Variants in SLC1A7 observed in about 807,000 individuals in gnomAD.
SLC1A7 encodes excitatory amino acid transporter 5.
In SLC1A7, 40 loss-of-function variants were observed where a neutral mutation model predicts 47.7. That is an observed-to-expected ratio of 0.84 (90% CI 0.65 to 1.09). The LOEUF is 1.09. SLC1A7 is among the 50% of genes least tolerant of loss of function. SLC1A7 has a pLI of 0.00. For synonymous variants in SLC1A7, 323 were observed against 325.6 expected (o/e 0.99, Z 0.09); for missense variants, 746 against 769.5 (o/e 0.97, Z 0.36).
At chr1:53,088,413 C>T (rs1003475394) in intron 10 of SLC1A7, among the ~76,000 whole-genome samples, 186 bp from the exon 11 acceptor site, 1 of 152,136 alleles carries the variant, frequency 6.6e-6, no homozygotes, top group African/African-American at 2.4e-5. Flanking sequence ...AGCGTCCTGC[C>T]TCCCACTGGA....
At chr1:53,127,293 G>A (rs1644893099) in intron 2 of SLC1A7, among the ~76,000 whole-genome samples, 1 of 152,136 alleles carries the variant, frequency 6.6e-6, no homozygotes. Flanking sequence ...AGATGAAAGG[G>A]GGAGAGTTAT....
intron 4 of SLC1A7, 126 bp downstream of exon 4, chr1:53,105,606 C>T: frequency 1.2e-6 from 1 of 806,378 alleles, no homozygotes. Flanking sequence ...CTCTAGCATC[C>T]CACCTCCAGC....
At chr1:53,137,450 A>C (rs1645013654) in intron 1 of SLC1A7, among the ~76,000 whole-genome samples, 1 of 152,098 alleles carries the variant, frequency 6.6e-6, no homozygotes, top group African/African-American at 2.4e-5. Flanking sequence ...TTCTTGATTC[A>C]TCATTTTGAC....
chr1:53,111,294 G>A (rs1644698735), intron 3 of SLC1A7, among the ~76,000 whole-genome samples: 1 of 152,306 alleles, frequency 6.6e-6, no homozygotes, highest in South Asian at 2.1e-4. Context: ...CAACGAGGCG[G>A]GTGGGGCTGG....
At chr1:53,111,628 G>C (rs1187243586) in intron 3 of SLC1A7, among the ~76,000 whole-genome samples, 1 of 152,082 alleles carries the variant, frequency 6.6e-6, no homozygotes, top group Non-Finnish European at 1.5e-5. Context: ...GAGAATGAGA[G>C]ATGTCAGACC....
rs1644889296 is a variant in SLC1A7, at chr1:53,126,986, C to T, written c.215+7364G>A. On this transcript the variant is annotated intron_variant, in intron 2 of 10. Transcript: ENST00000371494. ...CAAGCGATCCTCCCACCTCAGCCTC[C>T]CAAGTAGCCAGGACTACAGGTGCCC... Among the ~76,000 whole-genome samples, 3 of 151,132 alleles carry T rather than the reference C, an allele frequency of 2.0e-5. No individual in the cohort carries two copies. In the South Asian group the frequency reaches 6.3e-4, roughly 32 times the overall value.
chr1:53,088,129 G>A lies in SLC1A7; in HGVS notation c.1563C>T (p.Leu521=), dbSNP rs1381433340. 1 of 1,613,148 alleles carries A rather than the reference G, an allele frequency of 6.2e-7. No homozygotes were observed. The highest frequency in any genetic ancestry group is 2.2e-5 in the East Asian group (1 of 44,840). The change falls in exon 11 of 11, where the codon CTC becomes CTT. Residue 521 remains leucine, a synonymous_variant. Coordinates refer to ENST00000371494, the MANE Select transcript of SLC1A7 (RefSeq NM_006671.6). ...GGTGGGGGCAGGTGGGGCCCAGGGTGAGCTCGGAGGCCTCGGCTACACTCT... is the reference window on the plus strand; with the variant it reads ...GGTGGGGGCAGGTGGGGCCCAGGGTAAGCTCGGAGGCCTCGGCTACACTCT... ...CVKSVAEASE[L]TLGPTCPHHV...
chr1:53,104,071 C>G (rs190108388), intron 4 of SLC1A7, among the ~76,000 whole-genome samples: 2 of 152,304 alleles, frequency 1.3e-5, no homozygotes, highest in Admixed American at 1.3e-4. Context: ...GTACCTTTCC[C>G]TCTCTGCCCC....
chr1:53,112,038 C>T (rs889563781), intron 3 of SLC1A7, among the ~76,000 whole-genome samples: 2 of 152,208 alleles, frequency 1.3e-5, no homozygotes, highest in East Asian at 1.9e-4. Context: ...TCGATGGCCT[C>T]GGTTTGTAGA....
At chr1:53,095,155 C>A (rs1644470866) in intron 5 of SLC1A7, among the ~76,000 whole-genome samples, 1 of 152,072 alleles carries the variant, frequency 6.6e-6, no homozygotes, top group South Asian at 2.1e-4. Flanking sequence ...TGCACCCAGA[C>A]ATGAGCACAG....
At chr1:53,134,788 T>G (rs1197786538) in intron 1 of SLC1A7, among the ~76,000 whole-genome samples, 1 of 152,076 alleles carries the variant, frequency 6.6e-6, no homozygotes, top group Non-Finnish European at 1.5e-5. Context: ...GACTGAACCC[T>G]GTGGACGTTG....
chr1:53,142,350 C>G lies in SLC1A7; in HGVS notation c.100G>C (p.Gly34Arg). 1 of 1,577,408 alleles carries G rather than the reference C, an allele frequency of 6.3e-7. No individual in the cohort carries two copies. Among genetic ancestry groups the G allele is most frequent in the Non-Finnish European group, 8.6e-7 (1 of 1,160,818 alleles). Residue 34 changes from glycine to arginine, a missense_variant, in exon 1 of 11, where the codon GGC (glycine) becomes CGC (arginine). Coordinates refer to ENST00000371494, the MANE Select transcript of SLC1A7 (RefSeq NM_006671.6). ...VLSVIVGCLLGFFLRTRRLSP... is the reference protein window; with the variant it reads ...VLSVIVGCLLRFFLRTRRLSP... ...AGGCGCCGGGTCCTCAAGAAGAAGC[C>G]GAGGAGGCAGCCCACGATGACAGAC...
At chr1:53,096,456 C>T (rs1446059893) in intron 5 of SLC1A7, among the ~76,000 whole-genome samples, 1 of 147,840 alleles carries the variant, frequency 6.8e-6, no homozygotes, top group Admixed American at 6.7e-5. Flanking sequence ...CACCTTGCTT[C>T]ATTACAATTA....
chr1:53,098,616 C>T (rs964170389), intron 5 of SLC1A7, among the ~76,000 whole-genome samples: 2 of 151,530 alleles, frequency 1.3e-5, no homozygotes, highest in Non-Finnish European at 1.5e-5. Flanking sequence ...AGTACACTCA[C>T]ACATACCACC....
intron 2 of SLC1A7, among the ~76,000 whole-genome samples, chr1:53,122,559 A>G (rs909412353): frequency 3.3e-5 from 5 of 152,136 alleles, no homozygotes; most frequent in Non-Finnish European, 7.4e-5. Flanking sequence ...CGCCAGCTCC[A>G]AGTCATGCTT....
chr1:53,130,495 C>T (rs547882067), intron 2 of SLC1A7, among the ~76,000 whole-genome samples: 1 of 142,476 alleles, frequency 7.0e-6, no homozygotes, highest in East Asian at 2.2e-4. Flanking sequence ...CTGCCCCCAT[C>T]CCCCCACTCC....
chr1:53,103,116 C>G (rs527938230), intron 5 of SLC1A7: 203 of 450,072 alleles, frequency 4.5e-4, no homozygotes, highest in Non-Finnish European at 7.2e-4. Flanking sequence ...AGCTGCGGGC[C>G]TAAGAAATGG....
At chr1:53,137,573 G>C (rs887057481) in intron 1 of SLC1A7, among the ~76,000 whole-genome samples, 2 of 152,124 alleles carry the variant, frequency 1.3e-5, no homozygotes, top group Admixed American at 1.3e-4. Context: ...GATTTACAAT[G>C]TTTTGATCGC....
At chr1:53,117,132 A>G (rs1644770980) in intron 2 of SLC1A7, among the ~76,000 whole-genome samples, 1 of 152,182 alleles carries the variant, frequency 6.6e-6, no homozygotes, top group East Asian at 1.9e-4. Flanking sequence ...GGCTCTTGGA[A>G]ATGGGAGAGG....
Sources: allele counts gnomAD v4.1 joint callset (sites outside exome capture counted in the v4.1 genomes callset), GRCh38; gene constraint gnomAD v4.1.1; transcripts MANE v1.5; gene names NCBI Gene and HGNC (gene_info 2026-07-23, HGNC 2026-07-21).